The following METTL24 variants were observed in gnomAD, a reference collection of about 807,000 sequenced individuals.
METTL24 encodes the protein methyltransferase like 24.
METTL24 carries 29 observed loss-of-function variants against 32.7 expected under a neutral mutation model. The observed-to-expected ratio is 0.89, with a 90% CI of 0.66 to 1.21. The LOEUF is 1.21. Among genes scored for constraint, METTL24 ranks in the 50% most tolerant of loss-of-function variants. The pLI, the probability that METTL24 is intolerant of heterozygous loss-of-function variation, is 0.00. For missense variants in METTL24, 439 were observed against 468.1 expected (o/e 0.94, Z 0.57); for synonymous variants, 163 against 179.5 (o/e 0.91, Z 0.73).
chr6:110,309,862 C>A (rs1424422046), intron 3 of METTL24, among the ~76,000 whole-genome samples: 11 of 148,022 alleles, frequency 7.4e-5, no homozygotes, highest in South Asian at 2.2e-4. Flanking sequence ...TTCTTAGGAG[C>A]AAAAAAAACA....
At chr6:110,246,644 G>C (rs1778168956) in intron 4 of METTL24, among the ~76,000 whole-genome samples, 1 of 152,172 alleles carries the variant, frequency 6.6e-6, no homozygotes, top group Admixed American at 6.5e-5. Flanking sequence ...CTTGCTTTCT[G>C]CCCAGTGGGA....
chr6:110,348,351 C>G (rs981773686), intron 1 of METTL24, among the ~76,000 whole-genome samples: 1 of 152,206 alleles, frequency 6.6e-6, no homozygotes, highest in African/African-American at 2.4e-5. Context: ...ATAGATGAAG[C>G]TGCACCATAC....
Position 110,336,043 on chromosome 6 carries a change from T to C in METTL24, c.319-13171A>G, listed in dbSNP as rs150401983. ...GGCTGTCTTGCACTGATAAACTCAG[T>C]GCAACAGGTAAGAAATCCATGAAAT... On this transcript the variant is annotated intron_variant, in intron 1 of 4. Coordinates refer to ENST00000338882, the MANE Select transcript of METTL24 (RefSeq NM_001123364.3). 2.8e-3 allele frequency among the ~76,000 whole-genome samples: 424 copies of C among 152,318 alleles called. 2 individuals carry two copies. Among genetic ancestry groups the C allele is most frequent in the Non-Finnish European group, 5.0e-3 (343 of 68,018 alleles).
At chr6:110,306,650 T>C (rs1239034214) in intron 3 of METTL24, among the ~76,000 whole-genome samples, 1 of 152,250 alleles carries the variant, frequency 6.6e-6, no homozygotes, top group Non-Finnish European at 1.5e-5. Context: ...TAATAAACTA[T>C]ATTCATTTAA....
Position 110,358,311 on chromosome 6 carries a change from G to A in METTL24, c.-39C>T, listed in dbSNP as rs1772744516. Reference sequence around the variant, plus strand: ...GGGTCCCGCGGGCCGCGCCTGGCCGGCAGCAGGGATGTAGCCCCACAGGCC... The same window carrying A: ...GGGTCCCGCGGGCCGCGCCTGGCCGACAGCAGGGATGTAGCCCCACAGGCC... On this transcript the variant is annotated 5_prime_UTR_variant, in exon 1 of 5. Transcript: ENST00000338882. 2.9e-6 allele frequency: 4 copies of A among 1,393,940 alleles called. No homozygotes were observed. The highest frequency in any genetic ancestry group is 1.5e-5 in the South Asian group (1 of 67,886). The allele number at this position is 1,393,940 out of a possible 1,614,324, so 86.3% of individuals were successfully genotyped here. A position where few individuals can be genotyped will look rare whatever the true frequency, so the allele number is the denominator to read the frequency against.
At chr6:110,270,775 A>G (rs1050075575) in intron 4 of METTL24, among the ~76,000 whole-genome samples, 1 of 151,924 alleles carries the variant, frequency 6.6e-6, no homozygotes, top group Non-Finnish European at 1.5e-5. Context: ...AAAGAGACAA[A>G]TGAGTTCTAA....
At chr6:110,265,453 A>T (rs1770839551) in intron 4 of METTL24, among the ~76,000 whole-genome samples, 2 of 152,184 alleles carry the variant, frequency 1.3e-5, no homozygotes, top group South Asian at 4.1e-4. Flanking sequence ...CTTCAACAAC[A>T]AAACCCTGAC....
chr6:110,288,115 G>A (rs931548096), intron 4 of METTL24, among the ~76,000 whole-genome samples: 2 of 152,164 alleles, frequency 1.3e-5, no homozygotes, highest in African/African-American at 4.8e-5. Flanking sequence ...CATCAACAGG[G>A]CACAGAGTAG....
chr6:110,260,571 C>T (rs1169778305), intron 4 of METTL24, among the ~76,000 whole-genome samples: 2 of 152,114 alleles, frequency 1.3e-5, no homozygotes, highest in East Asian at 3.9e-4. Context: ...ACTTCCCCAA[C>T]CAAGTAAGGC....
chr6:110,252,501 G>T (rs1778299456), intron 4 of METTL24, among the ~76,000 whole-genome samples: 1 of 152,144 alleles, frequency 6.6e-6, no homozygotes, highest in Non-Finnish European at 1.5e-5. Context: ...CAGTCACACT[G>T]GGAGTTAGGG....
chr6:110,335,630 T>C (rs1392180523), intron 1 of METTL24, among the ~76,000 whole-genome samples: 2 of 148,432 alleles, frequency 1.3e-5, no homozygotes, highest in Non-Finnish European at 3.0e-5. Context: ...TTTCACTATA[T>C]TGCCCAGGCT....
At chr6:110,335,589 T>C (rs1772208250) in intron 1 of METTL24, among the ~76,000 whole-genome samples, 1 of 140,006 alleles carries the variant, frequency 7.1e-6, no homozygotes, top group Non-Finnish European at 1.5e-5. Context: ...TTTTTTTTTT[T>C]TTTTTATGAA....
At chr6:110,259,436 C>T (rs1478716554) in intron 4 of METTL24, among the ~76,000 whole-genome samples, 1 of 152,214 alleles carries the variant, frequency 6.6e-6, no homozygotes, top group East Asian at 1.9e-4. Flanking sequence ...CCCACCATTG[C>T]CGAAGCTTGA....
At position 110,293,215 on chromosome 6, in the gene METTL24, C is replaced by T. The variant is rs191915185; in HGVS notation, c.786+5707G>A. On this transcript the variant is annotated intron_variant, in intron 4 of 4. Transcript: ENST00000338882. ...TAATCATTATGATGGTGAGCATTTA[C>T]ATCGAAGCATGTACTATGCCTTTGA... 1.7e-3 allele frequency among the ~76,000 whole-genome samples: 259 copies of T among 152,140 alleles called. 2 individuals carry two copies. Among genetic ancestry groups the T allele is most frequent in the African/African-American group, 5.1e-3 (214 of 41,564 alleles).
chr6:110,311,468 GTTTTTTTTTT>G (rs1051868507), intron 3 of METTL24, among the ~76,000 whole-genome samples: 107 of 96,156 alleles, frequency 1.1e-3, no homozygotes, highest in African/African-American at 4.3e-3. Flanking sequence ...TTCTTTCTTT[GTTTTTTTTTT>G]TTTTTTTTTT....
intron 1 of METTL24, among the ~76,000 whole-genome samples, chr6:110,331,297 T>C (rs955400589): frequency 1.3e-5 from 2 of 151,770 alleles, no homozygotes; most frequent in Non-Finnish European, 2.9e-5. Flanking sequence ...CCAAGTGGTC[T>C]AGCATTCATG....
chr6:110,263,439 AACTACAAGCC>A (rs1427182845), intron 4 of METTL24, among the ~76,000 whole-genome samples: 1 of 152,190 alleles, frequency 6.6e-6, no homozygotes, highest in Non-Finnish European at 1.5e-5. Context: ...CTTCAAGGAG[AACTACAAGCC>A]ACTGCTCAAC....
In METTL24 at chr6:110,335,546, T is replaced by A. The variant is rs561429665; in HGVS notation, c.319-12674A>T. Among the ~76,000 whole-genome samples, 3 of 151,426 alleles carry A rather than the reference T, an allele frequency of 2.0e-5. No individual in the cohort carries two copies. The East Asian group carries it at 5.9e-4, about 30-fold the overall frequency. On this transcript the variant is annotated intron_variant, in intron 1 of 4. Coordinates refer to ENST00000338882, the MANE Select transcript of METTL24 (RefSeq NM_001123364.3). ...TTCAAGCTTTAAATTTTACTTGCTT[T>A]GTACTTGTAGGGAATCATTGTTTTT...
chr6:110,300,015 G>A (rs1423135973), intron 3 of METTL24, among the ~76,000 whole-genome samples: 3 of 152,034 alleles, frequency 2.0e-5, no homozygotes, highest in Non-Finnish European at 2.9e-5. Context: ...CTACTTGGCC[G>A]AACCTAAACC....
Sources: gnomAD v4.1 joint callset for allele counts (sites outside exome capture counted in the v4.1 genomes callset) on GRCh38, gnomAD v4.1.1 for gene constraint, MANE v1.5 for transcripts, NCBI Gene and HGNC (gene_info 2026-07-23, HGNC 2026-07-21) for gene names.